The following ATP8A1 variants were observed in gnomAD, a reference collection of about 807,000 sequenced individuals.
ATP8A1 encodes ATPase phospholipid transporting 8A1.
A neutral mutation model predicts 177.7 loss-of-function variants in ATP8A1; 90 were observed. That is an observed-to-expected ratio of 0.51 (90% CI 0.43 to 0.60). The LOEUF (loss-of-function observed/expected upper bound fraction) is 0.60. Ranked by LOEUF, ATP8A1 falls within the 20% of genes least tolerant of loss-of-function variation. The pLI is 0.00. For synonymous variants in ATP8A1, 493 were observed against 485.9 expected, an observed-to-expected ratio of 1.01 and a Z score of -0.19; for missense variants, 1,072 against 1,392.8, an observed-to-expected ratio of 0.77 and a Z score of 3.67.
At chr4:42,549,613 A>T (rs1729287368) in intron 18 of ATP8A1, among the ~76,000 whole-genome samples, 1 of 151,950 alleles carries the variant, frequency 6.6e-6, no homozygotes, top group African/African-American at 2.4e-5. Flanking sequence ...ATATAGCAAG[A>T]CCCCATCTCT....
intron 5 of ATP8A1, among the ~76,000 whole-genome samples, chr4:42,610,585 A>C (rs1315137275): frequency 7.7e-5 from 7 of 91,372 alleles, no homozygotes; most frequent in Non-Finnish European, 1.2e-4. Flanking sequence ...TTGTGTGCAA[A>C]AAAAAAAAAA....
At chr4:42,440,739 T>C (rs1716535681) in intron 33 of ATP8A1, among the ~76,000 whole-genome samples, 1 of 152,206 alleles carries the variant, frequency 6.6e-6, no homozygotes, top group African/African-American at 2.4e-5. Flanking sequence ...TGCCTTTTTA[T>C]AGAGCTCCTC....
At chr4:42,628,988 A>G (rs1738426283) in intron 1 of ATP8A1, among the ~76,000 whole-genome samples, 1 of 152,218 alleles carries the variant, frequency 6.6e-6, no homozygotes, top group African/African-American at 2.4e-5. Context: ...TACTCCATCC[A>G]GACACACCTA....
At chr4:42,487,077 C>CT (rs1722270656) in intron 24 of ATP8A1, among the ~76,000 whole-genome samples, 1 of 152,156 alleles carries the variant, frequency 6.6e-6, no homozygotes, top group African/African-American at 2.4e-5. Context: ...AATCTGTAAA[C>CT]TCTTGCCTCT....
intron 15 of ATP8A1, among the ~76,000 whole-genome samples, chr4:42,559,803 T>G (rs1336533704): frequency 2.0e-5 from 3 of 152,206 alleles, no homozygotes; most frequent in Non-Finnish European, 2.9e-5. Flanking sequence ...CCTCCTGGGT[T>G]CAAGCGATTC....
At chr4:42,460,588 C>G (rs926983231) in intron 27 of ATP8A1, among the ~76,000 whole-genome samples, 1 of 151,976 alleles carries the variant, frequency 6.6e-6, no homozygotes, top group Non-Finnish European at 1.5e-5. Context: ...GGGGTTTCAC[C>G]ATGTTGGCCA....
chr4:42,623,701 G>T (rs930446455), intron 4 of ATP8A1, among the ~76,000 whole-genome samples: 2 of 152,130 alleles, frequency 1.3e-5, no homozygotes, highest in African/African-American at 4.8e-5. Context: ...ATTGGAGGGT[G>T]GAGGGTGGGA....
At chr4:42,437,813 C>G (rs1417535986) in intron 33 of ATP8A1, among the ~76,000 whole-genome samples, 2 of 152,158 alleles carry the variant, frequency 1.3e-5, no homozygotes, top group African/African-American at 4.8e-5. Context: ...TCGGCTGGGT[C>G]TACAGTAACC....
intron 24 of ATP8A1, among the ~76,000 whole-genome samples, chr4:42,495,681 G>A (rs1204397893): frequency 6.6e-6 from 1 of 151,488 alleles, no homozygotes; most frequent in East Asian, 1.9e-4. Context: ...GCCTGTACTA[G>A]AACATAATGT....
chr4:42,620,292 C>T (rs932663516), intron 4 of ATP8A1, among the ~76,000 whole-genome samples: 3 of 152,200 alleles, frequency 2.0e-5, no homozygotes, highest in African/African-American at 7.2e-5. Flanking sequence ...ACTACTCTTA[C>T]AATTTCTAGT....
chr4:42,479,571 C>A (rs1451084899), intron 25 of ATP8A1, among the ~76,000 whole-genome samples: 1 of 152,100 alleles, frequency 6.6e-6, no homozygotes, highest in Non-Finnish European at 1.5e-5. Context: ...ATCCATTAGG[C>A]AGATTTGTAT....
At chr4:42,601,033 CTT>C (rs36117571) in intron 5 of ATP8A1, among the ~76,000 whole-genome samples, 1 of 102,426 alleles carries the variant, frequency 9.8e-6, no homozygotes, top group African/African-American at 3.7e-5. Flanking sequence ...CCCAAATTTT[CTT>C]TTTTTTTTTT....
intron 22 of ATP8A1, among the ~76,000 whole-genome samples, chr4:42,515,107 C>A (rs1204950659): frequency 6.6e-6 from 1 of 152,158 alleles, no homozygotes; most frequent in Non-Finnish European, 1.5e-5. Context: ...TAGAGGCCCT[C>A]CAACTAAATA....
chr4:42,559,129 C>T (rs568775212), intron 15 of ATP8A1, among the ~76,000 whole-genome samples: 9 of 152,042 alleles, frequency 5.9e-5, no homozygotes, highest in Admixed American at 3.3e-4. Flanking sequence ...GGGGCTGCAG[C>T]GAGCTATGAT....
At chr4:42,600,857 GA>G (rs2109398804) in intron 5 of ATP8A1, among the ~76,000 whole-genome samples, 1 of 152,192 alleles carries the variant, frequency 6.6e-6, no homozygotes, top group East Asian at 1.9e-4. Flanking sequence ...AAACATTTCA[GA>G]TGCTACAAGA....
At chr4:42,596,478 T>C (rs1002188933) in intron 6 of ATP8A1, among the ~76,000 whole-genome samples, 6 of 152,116 alleles carry the variant, frequency 3.9e-5, no homozygotes, top group Non-Finnish European at 5.9e-5. Context: ...AAGACCAGCC[T>C]GGCCAATATG....
At chr4:42,626,252 T>C (rs1738062901) in intron 2 of ATP8A1, 1 of 152,296 alleles carries the variant, frequency 6.6e-6, no homozygotes, top group Non-Finnish European at 1.5e-5. Flanking sequence ...CAGTAAGATA[T>C]CACTACTTAG....
intron 22 of ATP8A1, among the ~76,000 whole-genome samples, chr4:42,509,545 C>T (rs1381127939): frequency 6.6e-6 from 1 of 152,160 alleles, no homozygotes; most frequent in Non-Finnish European, 1.5e-5. Context: ...CTTGGTTCAT[C>T]CTCTAAAACC....
chr4:42,499,474 C>T (rs1410877235), intron 24 of ATP8A1, among the ~76,000 whole-genome samples: 2 of 152,184 alleles, frequency 1.3e-5, no homozygotes, highest in African/African-American at 4.8e-5. Context: ...GGGTATATCA[C>T]GAGAGACTCA....
Sources: allele counts gnomAD v4.1 joint callset (sites outside exome capture counted in the v4.1 genomes callset), GRCh38; gene constraint gnomAD v4.1.1; transcripts MANE v1.5; gene names NCBI Gene and HGNC (gene_info 2026-07-23, HGNC 2026-07-21).